MEIOB: variants seen among roughly 807,000 people sequenced by gnomAD.
The protein encoded by MEIOB is meiosis specific with OB-fold.
A neutral mutation model predicts 53.1 loss-of-function variants in MEIOB; 50 were observed. The ratio of observed to expected loss-of-function variants is 0.94; its 90% CI spans 0.75 to 1.19. The LOEUF is 1.19. Ranked by LOEUF, MEIOB falls within the 50% of genes most tolerant of loss-of-function variation. The probability of loss-of-function intolerance (pLI) is 0.00; values close to 1 mark genes in which losing one functional copy is unlikely to be tolerated. For synonymous variants in MEIOB, 192 were observed against 182.5 expected, an observed-to-expected ratio of 1.05 and a Z score of -0.42; for missense variants, 551 against 550.8, an observed-to-expected ratio of 1.00 and a Z score of 0.00.
chr16:1,834,452 A>G (rs1410862580), intron 13 of MEIOB, 86 bp from the exon 14 acceptor site: 2 of 704,818 alleles, frequency 2.8e-6, no homozygotes, highest in Non-Finnish European at 5.0e-6. Context: ...GATCACGAAT[A>G]GAGAACTGCA....
At chr16:1,838,065 C>A in intron 12 of MEIOB, 195 bp from the exon 13 acceptor site, 3 of 1,012,786 alleles carry the variant, frequency 3.0e-6, no homozygotes, top group Non-Finnish European at 4.3e-6. Context: ...AGTGCTATCA[C>A]AGCTCACTGC....
chr16:1,849,389 CA>C (rs1405665986), intron 9 of MEIOB, among the ~76,000 whole-genome samples: 1 of 151,748 alleles, frequency 6.6e-6, no homozygotes, highest in East Asian at 1.9e-4. Context: ...CTAAAAAATA[CA>C]AAAAAATTAG....
intron 2 of MEIOB, among the ~76,000 whole-genome samples, chr16:1,867,339 T>A (rs1899618429): frequency 6.6e-6 from 1 of 152,024 alleles, no homozygotes; most frequent in South Asian, 2.1e-4. Context: ...AATTTTCACA[T>A]CATCATTGTA....
At chr16:1,864,341 T>C (rs1171308197) in intron 3 of MEIOB, among the ~76,000 whole-genome samples, 7 of 152,132 alleles carry the variant, frequency 4.6e-5, no homozygotes, top group African/African-American at 1.7e-4. Flanking sequence ...TAATGTTATA[T>C]GTACAATGTT....
chr16:1,839,094 T>C (rs1179270303), intron 12 of MEIOB, among the ~76,000 whole-genome samples, 161 bp downstream of exon 12: 3 of 152,242 alleles, frequency 2.0e-5, no homozygotes, highest in African/African-American at 4.8e-5. Flanking sequence ...GTAACATTTG[T>C]TCATCAAAGC....
intron 3 of MEIOB, among the ~76,000 whole-genome samples, chr16:1,862,707 G>A (rs934053012): frequency 2.0e-5 from 3 of 151,988 alleles, no homozygotes; most frequent in East Asian, 1.9e-4. Context: ...GATCACCTGA[G>A]GTTAGTTCAA....
intron 3 of MEIOB, among the ~76,000 whole-genome samples, chr16:1,863,497 C>T (rs1193813473): frequency 6.6e-6 from 1 of 151,938 alleles, no homozygotes; most frequent in Admixed American, 6.6e-5. Context: ...AGCAATTCTC[C>T]TGCCTCACCC....
At chr16:1,844,122 C>CTTTTTTTTTTTTTTTTT in intron 10 of MEIOB, among the ~76,000 whole-genome samples, 1 of 129,434 alleles carries the variant, frequency 7.7e-6, no homozygotes, top group Non-Finnish European at 1.6e-5. Flanking sequence ...TATTATGTTT[C>CTTTTTTTTTTTTTTTTT]TTTTTTTTTT....
rs982496275 is a variant in MEIOB, at chr16:1,868,167, G to A, written c.9C>T (p.Asn3=). The A allele has an allele frequency of 1.3e-5, 20 of 1,523,286 alleles. No homozygotes were observed. The East Asian group carries it at 4.4e-4, about 34-fold the overall frequency. The allele number at this position is 1,523,286 out of a possible 1,614,324, so 94.4% of individuals were successfully genotyped here. MA[N]SFAARIFTTL... is the part of the protein sequence containing the mutation. ...TAGTGAAAATCCTCGCTGCAAAGGA[G>A]TTTGCCATTTTTTTAATCTGCATTT... is the stretch of plus-strand genomic sequence containing the variant. The change falls in exon 2 of 14, where the codon AAC becomes AAT. Residue 3 remains asparagine (N), a synonymous_variant. Coordinates refer to ENST00000325962, the MANE Select transcript of MEIOB (RefSeq NM_001163560.3).
Position 1,860,461 on chromosome 16 carries a change from G to T in MEIOB, c.274C>A (p.Pro92Thr). 1 of 1,541,470 alleles carries T rather than the reference G, an allele frequency of 6.5e-7. No individual in the cohort carries two copies. ...TCTATTTCCTTTCTTTGGATCAGAG[G>T]ATTTTCAATTATCACTAAAACAGAG... is the stretch of plus-strand genomic sequence containing the variant. ...RVGDCVIIENPLIQRKEIERE... is the reference protein window; with the variant it reads ...RVGDCVIIENTLIQRKEIERE... Residue 92 changes from proline (P) to threonine (T), a missense_variant, in exon 5 of 14, where the codon CCT becomes ACT. Pro to Thr is a conservative substitution (Grantham distance 38). Transcript: ENST00000325962.
intron 13 of MEIOB, among the ~76,000 whole-genome samples, chr16:1,836,642 T>C (rs900469046): frequency 5.3e-5 from 8 of 151,830 alleles, no homozygotes; most frequent in Non-Finnish European, 1.0e-4. Context: ...CTGCAAACTA[T>C]TCAGATGTGT....
At chr16:1,869,972 A>G (rs1235719636) in intron 1 of MEIOB, among the ~76,000 whole-genome samples, 1 of 148,958 alleles carries the variant, frequency 6.7e-6, no homozygotes, top group Non-Finnish European at 1.5e-5. Flanking sequence ...CCCAGGTTCA[A>G]GCGATTCTCC....
chr16:1,865,572 T>G (rs1899572173), intron 3 of MEIOB, among the ~76,000 whole-genome samples: 1 of 151,768 alleles, frequency 6.6e-6, no homozygotes, highest in African/African-American at 2.4e-5. Context: ...TGTGTATGTA[T>G]ACATATATAT....
intron 13 of MEIOB, among the ~76,000 whole-genome samples, chr16:1,834,960 A>T (rs930065366): frequency 3.2e-5 from 4 of 126,734 alleles, no homozygotes; most frequent in African/African-American, 1.2e-4. Flanking sequence ...ACTAAAAAAA[A>T]TGTCTAATGC....
intron 5 of MEIOB, among the ~76,000 whole-genome samples, chr16:1,858,854 G>A (rs1899373365): frequency 6.6e-6 from 1 of 152,170 alleles, no homozygotes; most frequent in African/African-American, 2.4e-5. Context: ...GAAAAGACAG[G>A]AGGTTTCCTG....
At position 1,860,433 on chromosome 16, in the gene MEIOB, C is replaced by T. The variant is rs373918870; in HGVS notation, c.302G>A (p.Arg101Lys). 1.3e-6 allele frequency: 2 copies of T among 1,547,296 alleles called. No homozygotes were observed. The highest frequency in any genetic ancestry group is 1.7e-6 in the Non-Finnish European group (2 of 1,143,370). The change falls in exon 5 of 14, where the codon AGA becomes AAA. Residue 101 changes from arginine (R) to lysine (K), a missense_variant. Transcript: ENST00000325962. Reference sequence around the variant, plus strand: ...AGTTGCAGGGCTGAATTTTTCTTCTCTTTCTATTTCCTTTCTTTGGATCAG... The same window carrying T: ...AGTTGCAGGGCTGAATTTTTCTTCTTTTTCTATTTCCTTTCTTTGGATCAG... ...NPLIQRKEIE[R>K]EEKFSPATPS...
chr16:1,838,578 AAC>A (rs1898811137), intron 12 of MEIOB, among the ~76,000 whole-genome samples: 2 of 152,212 alleles, frequency 1.3e-5, no homozygotes, highest in Non-Finnish European at 1.5e-5. Flanking sequence ...GAGTAGGTGA[AAC>A]ACAGCCAAAT....
chr16:1,859,203 A>G (rs1899381583), intron 5 of MEIOB, among the ~76,000 whole-genome samples: 1 of 152,252 alleles, frequency 6.6e-6, no homozygotes, highest in Admixed American at 6.5e-5. Context: ...AGAAGCAAAT[A>G]GTCAAACAGA....
At chr16:1,868,334 A>T in intron 1 of MEIOB, 150 bp from the exon 2 acceptor site, 1 of 442,624 alleles carries the variant, frequency 2.3e-6, no homozygotes, top group South Asian at 2.8e-5. Context: ...AAGTGGATGG[A>T]TCACCTGAGG....
Sources: gnomAD v4.1 joint callset for allele counts (sites outside exome capture counted in the v4.1 genomes callset) on GRCh38, gnomAD v4.1.1 for gene constraint, MANE v1.5 for transcripts, NCBI Gene and HGNC (gene_info 2026-07-23, HGNC 2026-07-21) for gene names.